ANK3: variants seen among roughly 807,000 people sequenced by gnomAD.
ANK3 encodes the protein ankyrin-3.
A neutral mutation model predicts 370.9 loss-of-function variants in ANK3; 57 were observed. That is an observed-to-expected ratio of 0.15 (90% confidence interval 0.12 to 0.19). The LOEUF is 0.19. Among genes scored for constraint, ANK3 ranks in the 10% least tolerant of loss-of-function variants. The pLI, the probability that ANK3 is intolerant of heterozygous loss-of-function variation, is 1.00. For missense variants in ANK3, 4,439 were observed against 5,302.1 expected, an observed-to-expected ratio of 0.84 and a Z score of 5.06; for synonymous variants, 1,929 against 1,946.3, an observed-to-expected ratio of 0.99 and a Z score of 0.23.
intron 2 of ANK3, among the ~76,000 whole-genome samples, chr10:60,487,570 T>C (rs2075380758): frequency 7.2e-6 from 1 of 139,526 alleles, no homozygotes; most frequent in African/African-American, 2.6e-5. Context: ...GAGGGAGGAA[T>C]ACTTGGTAAA....
At chr10:60,279,238 C>T in intron 2 of ANK3, 90 bp from the exon 3 acceptor site, 1 of 1,114,992 alleles carries the variant, frequency 9.0e-7, no homozygotes, top group Non-Finnish European at 1.4e-6. Flanking sequence ...ATTATAAAGT[C>T]CCACCTGATG....
intron 2 of ANK3, among the ~76,000 whole-genome samples, chr10:60,604,844 T>C (rs1434247115): frequency 6.6e-6 from 1 of 152,090 alleles, no homozygotes; most frequent in Non-Finnish European, 1.5e-5. Context: ...TGTGCTTTAT[T>C]ATTGAAACAA....
At chr10:60,450,830 A>T (rs1954117) in intron 2 of ANK3, among the ~76,000 whole-genome samples, 1 of 152,014 alleles carries the variant, frequency 6.6e-6, no homozygotes, top group Non-Finnish European at 1.5e-5. Context: ...ACTTAACGTG[A>T]ATTTTCTCAC....
intron 23 of ANK3, chr10:60,140,576 AT>A (rs2094517709): frequency 7.2e-7 from 1 of 1,385,400 alleles, no homozygotes; most frequent in East Asian, 2.7e-5. Context: ...GAGTTCGAAG[AT>A]TTTCAAAATT....
intron 23 of ANK3, chr10:60,140,023 C>A: frequency 2.8e-6 from 1 of 354,154 alleles, no homozygotes; most frequent in Non-Finnish European, 5.1e-6. Flanking sequence ...CAAGAGATTG[C>A]AAAAGTGTAC....
intron 1 of ANK3, among the ~76,000 whole-genome samples, chr10:60,620,775 G>A (rs1359183359): frequency 6.6e-6 from 1 of 152,038 alleles, no homozygotes; most frequent in Non-Finnish European, 1.5e-5. Context: ...AAGACCACTT[G>A]TTCTTTTAAA....
Position 60,654,076 on chromosome 10 carries a change from G to T in ANK3, c.58-38852C>A, listed in dbSNP as rs150252444. Among the ~76,000 whole-genome samples the T allele has an allele frequency of 1.9e-3, 285 of 152,116 alleles. 2 individuals are homozygous for T. The highest frequency in any genetic ancestry group is 6.5e-3 in the African/African-American group (271 of 41,504). ...GCATCATTTAATATTGCATGTTTTT[G>T]AATGCTATTGTAAATGAATCTGTTT... On this transcript the variant is annotated intron_variant, in intron 1 of 43. Transcript: ENST00000373827.
At chr10:60,709,842 GAAAAGAA>G (rs1320412676) in intron 1 of ANK3, among the ~76,000 whole-genome samples, 7 of 146,764 alleles carry the variant, frequency 4.8e-5, no homozygotes, top group Non-Finnish European at 6.1e-5. Flanking sequence ...AAAAAAAAAA[GAAAAGAA>G]AAAAGAAAAT....
At chr10:60,121,642 G>A (rs1331107852) in intron 25 of ANK3, among the ~76,000 whole-genome samples, 5 of 150,768 alleles carry the variant, frequency 3.3e-5, no homozygotes, top group Non-Finnish European at 7.4e-5. Flanking sequence ...AGTGAGCCAA[G>A]GTAGTGCTAC....
chr10:60,446,964 C>T (rs867780892), intron 2 of ANK3, among the ~76,000 whole-genome samples: 5 of 152,248 alleles, frequency 3.3e-5, no homozygotes, highest in East Asian at 1.9e-4. Flanking sequence ...AGAAGTACTA[C>T]GGAAGCAGGA....
intron 1 of ANK3, among the ~76,000 whole-genome samples, chr10:60,307,340 A>AT (rs1390799041): frequency 1.3e-5 from 2 of 151,722 alleles, no homozygotes; most frequent in Admixed American, 6.6e-5. Flanking sequence ...ACTTTTTGTT[A>AT]TTTTTTTATA....
chr10:60,382,797 C>CTATAGATATATATA (rs2061717101), intron 1 of ANK3, among the ~76,000 whole-genome samples: 1 of 133,744 alleles, frequency 7.5e-6, no homozygotes, highest in Non-Finnish European at 1.6e-5. Flanking sequence ...ATACCTAAAT[C>CTATAGATATATATA]TATATATATA....
At chr10:60,060,669 G>C (rs1240933357) in intron 40 of ANK3, 5 of 152,152 alleles carry the variant, frequency 3.3e-5, no homozygotes, top group African/African-American at 1.2e-4. Context: ...AAGTTTAAAA[G>C]ACTCCATGTA....
chr10:60,565,087 G>A (rs1262752172), intron 2 of ANK3, among the ~76,000 whole-genome samples: 4 of 151,988 alleles, frequency 2.6e-5, no homozygotes, highest in African/African-American at 7.2e-5. Flanking sequence ...ATAGTCCTAC[G>A]AGATAAATGA....
intron 1 of ANK3, among the ~76,000 whole-genome samples, chr10:60,330,192 A>T (rs2050884569): frequency 6.6e-6 from 1 of 152,208 alleles, no homozygotes; most frequent in South Asian, 2.1e-4. Flanking sequence ...CCTAGAAGAA[A>T]ACCTAGGCAA....
In ANK3 at chr10:60,074,130, T is replaced by C; in HGVS notation, c.6751A>G (p.Arg2251Gly). 6.2e-7 allele frequency: 1 copy of C among 1,613,920 alleles called. No homozygotes were observed. The change falls in exon 37 of 44, where the codon AGA becomes GGA. Residue 2251 changes from arginine (R) to glycine (G), a missense_variant. Arg to Gly is a moderately radical substitution (Grantham distance 125, BLOSUM62 -2). Transcript: ENST00000280772. ...CCTGGTGGAGAATGATAAACCATTC[T>C]GGTGGTTGTGGTTATGTGAGTCTCT... ...KEETHITTTT[R>G]MVYHSPPGGE...
chr10:60,189,749 T>G (rs2096435833), intron 16 of ANK3, among the ~76,000 whole-genome samples: 1 of 151,418 alleles, frequency 6.6e-6, no homozygotes, highest in Non-Finnish European at 1.5e-5. Context: ...ACCTACAGGG[T>G]TTTTTCCCTC....
At chr10:60,503,755 G>T (rs2075864483) in intron 2 of ANK3, among the ~76,000 whole-genome samples, 1 of 152,116 alleles carries the variant, frequency 6.6e-6, no homozygotes, top group Non-Finnish European at 1.5e-5. Flanking sequence ...AACAGAATTT[G>T]GTCTTTACAA....
intron 1 of ANK3, among the ~76,000 whole-genome samples, chr10:60,672,008 C>T (rs1360966724): frequency 6.6e-6 from 1 of 152,204 alleles, no homozygotes; most frequent in African/African-American, 2.4e-5. Flanking sequence ...CTGAGCTGCT[C>T]CTGGATTCCT....
Sources: allele counts gnomAD v4.1 joint callset (sites outside exome capture counted in the v4.1 genomes callset), GRCh38; gene constraint gnomAD v4.1.1; transcripts MANE v1.5; gene names NCBI Gene and HGNC (gene_info 2026-07-23, HGNC 2026-07-21).